Variants in NOA1 observed in about 807,000 individuals in gnomAD.
NOA1 encodes the protein nitric oxide associated 1.
A neutral mutation model predicts 58.4 loss-of-function variants in NOA1; 35 were observed. The ratio of observed to expected loss-of-function variants is 0.60; its 90% CI spans 0.46 to 0.79. NOA1 has a LOEUF of 0.79. Ranked by LOEUF, NOA1 falls within the 30% of genes least tolerant of loss-of-function variation. The probability of loss-of-function intolerance (pLI) is 0.00; values close to 1 mark genes in which losing one functional copy is unlikely to be tolerated. For synonymous variants in NOA1, 397 were observed against 373.4 expected, an observed-to-expected ratio of 1.06 and a Z score of -0.73; for missense variants, 895 against 894.6, an observed-to-expected ratio of 1.00 and a Z score of -0.01.
At chr4:56,969,111 T>A (rs936308512) in intron 3 of NOA1, among the ~76,000 whole-genome samples, 3 of 152,242 alleles carry the variant, frequency 2.0e-5, no homozygotes, top group African/African-American at 7.2e-5. Context: ...AATTTATCCC[T>A]ATGATTTATA....
Position 56,966,630 on chromosome 4 carries a change from G to GT in NOA1, c.1753dup (p.Thr585AsnfsTer22). 1 of 1,604,378 alleles carries GT rather than the reference G, an allele frequency of 6.2e-7. No individual in the cohort carries two copies. Among genetic ancestry groups the GT allele is most frequent in the Non-Finnish European group, 8.5e-7 (1 of 1,171,296 alleles). ...GGCATGTTGCCTTACCTGGAGTAAC[G>GT]TATGACCTGCATGCTTCTGATACAG... is the stretch of plus-strand genomic sequence containing the variant. On this transcript the variant is annotated frameshift_variant, in exon 5 of 7. Transcript: ENST00000264230. LOFTEE classifies it high-confidence loss of function.
In NOA1 at chr4:56,972,077, AG is replaced by A. The variant is rs529373225; in HGVS notation, c.1515+1070del. ...AATTTTTTGTATTTTTAGTACAGAC[AG>A]GGTTTCACCGTGTTAGCCCAGATGG... On this transcript the variant is annotated intron_variant, in intron 3 of 6. Coordinates refer to ENST00000264230, the MANE Select transcript of NOA1 (RefSeq NM_032313.4). 2.6e-3 allele frequency among the ~76,000 whole-genome samples: 400 copies of A among 152,222 alleles called. 2 individuals are homozygous for A. The highest frequency in any genetic ancestry group is 9.4e-3 in the African/African-American group (389 of 41,546).
chr4:56,977,576 C>A lies in NOA1; in HGVS notation c.10G>T (p.Ala4Ser). The stretch of plus-strand genomic sequence containing the variant: ...CTCAGCAGCCTGAACGGTAGGCGAG[C>A]GGGCAGCATGAGGAAGTAGCTCCAA... MLPARLPFRLLSLF... is the reference protein window; with the variant it reads MLPSRLPFRLLSLF... The change falls in exon 1 of 7, where the codon GCT (alanine) becomes TCT (serine). Residue 4 changes from alanine (A) to serine (S), a missense_variant. Ala to Ser is a moderately conservative substitution (Grantham distance 99, BLOSUM62 1). Transcript: ENST00000264230. 1 of 1,585,830 alleles carries A rather than the reference C, an allele frequency of 6.3e-7. No individual in the cohort carries two copies. Among genetic ancestry groups the A allele is most frequent in the Non-Finnish European group, 8.6e-7 (1 of 1,164,904 alleles).
chr4:56,976,362 G>A, intron 1 of NOA1, 80 bp downstream of exon 1: 1 of 1,259,944 alleles, frequency 7.9e-7, no homozygotes, highest in Non-Finnish European at 1.1e-6. Context: ...GACATTAAGG[G>A]AGGATGTACT....
chr4:56,975,032 T>C (rs1419857416), intron 1 of NOA1, among the ~76,000 whole-genome samples: 1 of 151,162 alleles, frequency 6.6e-6, no homozygotes, highest in Admixed American at 6.6e-5. Context: ...ACAAGACTGA[T>C]ACTTCTGTTT....
intron 5 of NOA1, among the ~76,000 whole-genome samples, chr4:56,965,519 A>T (rs1721685062): frequency 6.6e-6 from 1 of 152,188 alleles, no homozygotes; most frequent in Non-Finnish European, 1.5e-5. Flanking sequence ...GTCAAGGAAA[A>T]CATTAGTAAA....
chr4:56,964,785 G>A (rs912911637), intron 5 of NOA1, among the ~76,000 whole-genome samples: 4 of 152,156 alleles, frequency 2.6e-5, no homozygotes, highest in African/African-American at 9.7e-5. Flanking sequence ...CTGGACAGGA[G>A]AATTGTGCTT....
Position 56,963,378 on chromosome 4 carries a change from T to C in NOA1, c.*72A>G, listed in dbSNP as rs1721641131. On this transcript the variant is annotated 3_prime_UTR_variant, in exon 7 of 7. Coordinates refer to ENST00000264230, the MANE Select transcript of NOA1 (RefSeq NM_032313.4). ...GAATGGGAGCTTTATTTATGCGTTA[T>C]ATGTTTAATACAAATTCAATGTATT... 6 of 1,248,790 alleles carry C rather than the reference T, an allele frequency of 4.8e-6. No homozygotes were observed. The highest frequency in any genetic ancestry group is 3.7e-5 in the Admixed American group (2 of 53,510). The allele number at this position is 1,248,790 out of a possible 1,614,324, so 77.4% of individuals were successfully genotyped here.
chr4:56,966,707 C>CA lies in NOA1; in HGVS notation c.1676dup (p.Ala560GlyfsTer47). The CA allele has an allele frequency of 6.2e-7, 1 of 1,613,428 alleles. No individual in the cohort carries two copies. The highest frequency in any genetic ancestry group is 1.1e-5 in the South Asian group (1 of 91,040). ...TATGCACAGGGAGGATGTTGGAAGC[C>CA]ACGACTGTAAACCAAGCTGACTGAT... On this transcript the variant is annotated frameshift_variant, in exon 5 of 7. Transcript: ENST00000264230. LOFTEE classifies it high-confidence loss of function.
rs1721969557 is a variant in NOA1, at chr4:56,977,374, C to A, written c.212G>T (p.Arg71Leu). 3.1e-6 allele frequency: 5 copies of A among 1,614,208 alleles called. No individual in the cohort carries two copies. Among genetic ancestry groups the A allele is most frequent in the Non-Finnish European group, 4.2e-6 (5 of 1,180,034 alleles). ...CAGGATGTACTCCGGGAACAGAAAA[C>A]GCTCCTGCATGTCACCACCTTCTCC... The part of the protein sequence containing the change: ...GFGEGGDMQE[R>L]FLFPEYILDP... The change falls in exon 1 of 7, where the codon CGT becomes CTT. Residue 71 changes from arginine to leucine, a missense_variant. Arg to Leu is a moderately radical substitution (Grantham distance 102). Coordinates refer to ENST00000264230, the MANE Select transcript of NOA1 (RefSeq NM_032313.4).
chr4:56,972,748 G>A (rs1173986088), intron 3 of NOA1, among the ~76,000 whole-genome samples: 1 of 152,066 alleles, frequency 6.6e-6, no homozygotes, highest in Non-Finnish European at 1.5e-5. Flanking sequence ...TTCTGTAAAC[G>A]TTTCCCTAAC....
Position 56,963,664 on chromosome 4 carries a change from A to T in NOA1, c.1886-3T>A, listed in dbSNP as rs551343580. 1 of 1,612,426 alleles carries T rather than the reference A, an allele frequency of 6.2e-7. No individual in the cohort carries two copies. The highest frequency in any genetic ancestry group is 8.5e-7 in the Non-Finnish European group (1 of 1,178,468). On this transcript the variant is annotated splice_polypyrimidine_tract_variant and splice_region_variant and intron_variant, in intron 6 of 6. Transcript: ENST00000264230. ...ATTAGGTGTTACTGAAACCCAACCT[A>T]TGCAGGCATGTGACACAACACAAAA...
At chr4:56,967,737 C>T (rs910884604) in intron 4 of NOA1, among the ~76,000 whole-genome samples, 7 of 152,078 alleles carry the variant, frequency 4.6e-5, no homozygotes, top group South Asian at 2.1e-4. Flanking sequence ...ATTAATTTAA[C>T]GCCTATAACC....
chr4:56,972,941 G>C (rs968439551), intron 3 of NOA1, among the ~76,000 whole-genome samples: 1 of 152,134 alleles, frequency 6.6e-6, no homozygotes, highest in African/African-American at 2.4e-5. Context: ...AGCAGTACTT[G>C]TGCAATTGAA....
chr4:56,963,780 A>G (rs1721650741), intron 6 of NOA1, 119 bp from the exon 7 acceptor site: 5 of 676,330 alleles, frequency 7.4e-6, no homozygotes, highest in Non-Finnish European at 1.2e-5. Context: ...CTCTCTTATT[A>G]TTTTATTATT....
At chr4:56,965,128 T>C (rs1721676215) in intron 5 of NOA1, among the ~76,000 whole-genome samples, 2 of 151,864 alleles carry the variant, frequency 1.3e-5, no homozygotes, top group Non-Finnish European at 2.9e-5. Flanking sequence ...GCCTCCCGAG[T>C]AACTGGGATT....
intron 3 of NOA1, among the ~76,000 whole-genome samples, chr4:56,972,488 GC>G (rs751850680): frequency 2.6e-5 from 4 of 152,194 alleles, no homozygotes; most frequent in Non-Finnish European, 5.9e-5. Context: ...GTCCCAGATG[GC>G]TTTGGGGAAC....
In NOA1 at chr4:56,968,389, G is replaced by A; in HGVS notation, c.1642C>T (p.Leu548=). 1 of 1,607,718 alleles carries A rather than the reference G, an allele frequency of 6.2e-7. No individual in the cohort carries two copies. Residue 548 remains leucine, a synonymous_variant, in exon 4 of 7, where the codon CTG becomes TTG. Coordinates refer to ENST00000264230, the MANE Select transcript of NOA1 (RefSeq NM_032313.4). ...FLGAIGRIDF[L]QGNQSAWFTV... is the part of the protein sequence containing the mutation. ...ATAGTACAGACTTTTCTTACCTGCAGGAAATCTATGCGGCCTATAGCACCC... is the reference window on the plus strand; with the variant it reads ...ATAGTACAGACTTTTCTTACCTGCAAGAAATCTATGCGGCCTATAGCACCC...
chr4:56,976,782 C>G lies in NOA1; in HGVS notation c.804G>C (p.Leu268=). 6.2e-7 allele frequency: 1 copy of G among 1,610,370 alleles called. No homozygotes were observed. The highest frequency in any genetic ancestry group is 8.5e-7 in the Non-Finnish European group (1 of 1,178,058). ...GCCCGGCGCGGGCACAGTCCTCCCA[C>G]AGTCGCTCCCGCAGCCTCTGCCGGT... The part of the protein sequence containing the change: ...PGYRQRLRER[L]WEDCARAGLL... Residue 268 remains leucine (L), a synonymous_variant, in exon 1 of 7, where the codon CTG becomes CTC. Coordinates refer to ENST00000264230, the MANE Select transcript of NOA1 (RefSeq NM_032313.4).
Sources: allele counts gnomAD v4.1 joint callset (sites outside exome capture counted in the v4.1 genomes callset), GRCh38; gene constraint gnomAD v4.1.1; transcripts MANE v1.5; gene names NCBI Gene and HGNC (gene_info 2026-07-23, HGNC 2026-07-21).